Variants in LMO7 observed in about 807,000 individuals in gnomAD.
The protein encoded by LMO7 is LIM domain only protein 7.
Under a neutral mutation model 206.5 loss-of-function variants are expected in LMO7, and 120 were observed. The observed-to-expected ratio is 0.58, with a 90% CI of 0.50 to 0.68. The LOEUF (loss-of-function observed/expected upper bound fraction) is 0.68. LMO7 is among the 30% of genes least tolerant of loss of function. The pLI is 0.00. For missense variants in LMO7, 1,959 were observed against 1,957.9 expected, an observed-to-expected ratio of 1.00 and a Z score of -0.01; for synonymous variants, 706 against 681.5, an observed-to-expected ratio of 1.04 and a Z score of -0.56.
intron 3 of LMO7, among the ~76,000 whole-genome samples, chr13:75,758,612 T>C (rs376990547): frequency 1.8e-4 from 28 of 152,358 alleles, no homozygotes; most frequent in East Asian, 1.7e-3. Context: ...TGTCTTCAAC[T>C]AAGTATAGTC....
chr13:75,785,783 T>C (rs1348778950), intron 4 of LMO7, among the ~76,000 whole-genome samples: 1 of 152,196 alleles, frequency 6.6e-6, no homozygotes, highest in East Asian at 1.9e-4. Flanking sequence ...TGAAAACATA[T>C]AATCAGGCAA....
chr13:75,722,456 C>G (rs1379050393), intron 2 of LMO7, among the ~76,000 whole-genome samples: 1 of 152,054 alleles, frequency 6.6e-6, no homozygotes, highest in Non-Finnish European at 1.5e-5. Flanking sequence ...TACAGCATCG[C>G]TAATAATCAG....
At chr13:75,712,679 A>G (rs9318370) in intron 1 of LMO7, among the ~76,000 whole-genome samples, 11,896 of 152,228 alleles carry the variant, frequency 0.078, 1,037 homozygotes, top group African/African-American at 0.21. Flanking sequence ...TACATCAATT[A>G]GGACGATTTC....
At chr13:75,623,135 G>A (rs1307122883) in intron 1 of LMO7, 4 of 499,278 alleles carry the variant, frequency 8.0e-6, no homozygotes, top group Non-Finnish European at 1.4e-5. Context: ...ATTTATTTTG[G>A]CATCTCTACT....
intron 1 of LMO7, among the ~76,000 whole-genome samples, chr13:75,622,807 T>A (rs1357546685): frequency 6.6e-6 from 1 of 152,238 alleles, no homozygotes; most frequent in Non-Finnish European, 1.5e-5. Context: ...TGAAAGCAGA[T>A]CTTAAAGTTA....
intron 4 of LMO7, among the ~76,000 whole-genome samples, chr13:75,776,155 T>G: frequency 1.2e-5 from 1 of 83,994 alleles, no homozygotes; most frequent in Non-Finnish European, 2.5e-5. Flanking sequence ...GCCATGTATA[T>G]ATATCGGATA....
At position 75,800,835 on chromosome 13, in the gene LMO7, C is replaced by A. The variant is rs1001687717; in HGVS notation, c.614C>A (p.Ser205Ter). The A allele has an allele frequency of 1.2e-6, 2 of 1,613,858 alleles. No individual in the cohort carries two copies. Among genetic ancestry groups the A allele is most frequent in the Admixed American group, 3.3e-5 (2 of 59,986 alleles). The stretch of plus-strand genomic sequence containing the variant: ...AGCTTGGACTCTTTGGGCTCGAGGT[C>A]ATTGACAAGCTGCTCCTCTGATATC... ...FESLDSLGSR[S>*]LTSCSSDITL... Residue 205 changes from serine (S) to a stop codon, truncating the protein, a stop_gained, in exon 7 of 31, where the codon TCA becomes TAA. Coordinates refer to ENST00000377534, the MANE Select transcript of LMO7 (RefSeq NM_001306080.2). LOFTEE classifies it high-confidence loss of function.
At chr13:75,690,448 G>A (rs979383528) in intron 1 of LMO7, among the ~76,000 whole-genome samples, 1 of 152,096 alleles carries the variant, frequency 6.6e-6, no homozygotes, top group Non-Finnish European at 1.5e-5. Flanking sequence ...GGCATGCTGT[G>A]ATAAATATAT....
chr13:75,781,872 G>T (rs1046251352), intron 4 of LMO7, among the ~76,000 whole-genome samples: 10 of 152,124 alleles, frequency 6.6e-5, no homozygotes, highest in Non-Finnish European at 1.3e-4. Flanking sequence ...TTTCTCTGAT[G>T]GCCAGTGATG....
chr13:75,711,418 C>T (rs1379855672), intron 1 of LMO7, among the ~76,000 whole-genome samples: 2 of 152,146 alleles, frequency 1.3e-5, no homozygotes, highest in Non-Finnish European at 2.9e-5. Context: ...GGCTGTGAAT[C>T]CATCTGGTCC....
At position 75,636,396 on chromosome 13, in the gene LMO7, T is replaced by C. The variant is rs2035854426; in HGVS notation, c.-262T>C. On this transcript the variant is annotated 5_prime_UTR_variant, in exon 1 of 31. Coordinates refer to ENST00000377534, the MANE Select transcript of LMO7 (RefSeq NM_001306080.2). ...CCCGCTTCGCTTCCCGCGTCCTGCC[T>C]GACTGCCCGGGTCCCCGCGGGCCTT... is the stretch of plus-strand genomic sequence containing the variant. The C allele has an allele frequency of 9.1e-6, 12 of 1,311,688 alleles. No individual in the cohort carries two copies. In the East Asian group the frequency reaches 4.4e-4, roughly 48 times the overall value. 81.3% of individuals were successfully genotyped at this position (1,311,688 alleles called of 1,614,324 possible).
At chr13:75,705,113 G>T (rs114342538) in intron 1 of LMO7, among the ~76,000 whole-genome samples, 2 of 152,250 alleles carry the variant, frequency 1.3e-5, no homozygotes, top group South Asian at 4.1e-4. Context: ...TCATATGCTC[G>T]GGTAGGCTAA....
At chr13:75,657,487 A>G (rs143679731) in intron 1 of LMO7, among the ~76,000 whole-genome samples, 1 of 152,298 alleles carries the variant, frequency 6.6e-6, no homozygotes, top group Non-Finnish European at 1.5e-5. Flanking sequence ...CACCTGAAGC[A>G]TAGTTATGAA....
At chr13:75,648,855 C>A (rs1010323986) in intron 1 of LMO7, among the ~76,000 whole-genome samples, 19 of 152,162 alleles carry the variant, frequency 1.2e-4, no homozygotes, top group Non-Finnish European at 2.5e-4. Flanking sequence ...TGTGAAGTAC[C>A]TTCTGGGTAC....
intron 15 of LMO7, among the ~76,000 whole-genome samples, chr13:75,826,992 C>A (rs1391027594): frequency 6.6e-6 from 1 of 152,134 alleles, no homozygotes; most frequent in African/African-American, 2.4e-5. Flanking sequence ...AATTATTTCT[C>A]AAAAGCCCAG....
At chr13:75,768,934 A>C (rs1014119924) in intron 4 of LMO7, among the ~76,000 whole-genome samples, 2 of 152,016 alleles carry the variant, frequency 1.3e-5, no homozygotes, top group South Asian at 4.1e-4. Flanking sequence ...TGATTATGTT[A>C]TTTGAAATAT....
intron 1 of LMO7, among the ~76,000 whole-genome samples, chr13:75,661,562 G>T (rs540722194): frequency 3.9e-5 from 6 of 152,144 alleles, no homozygotes; most frequent in Non-Finnish European, 8.8e-5. Context: ...AAGGAAAAGG[G>T]CCAGATTCCA....
At position 75,849,247 on chromosome 13, in the gene LMO7, C is replaced by A. The variant is rs1047604334; in HGVS notation, c.4319C>A (p.Ala1440Asp). Reference protein sequence around the residue: ...NDNSWIRQRSASVNKEPVSLP... With the variant: ...NDNSWIRQRSDSVNKEPVSLP... ...AACAGCTGGATCCGACAGCGCAGTG[C>A]CAGTGTCAACAAAGAGCCTGTTAGT... is the stretch of plus-strand genomic sequence containing the variant. The change falls in exon 27 of 31, where the codon GCC becomes GAC. Residue 1440 changes from alanine (A) to aspartate (D), a missense_variant. Transcript: ENST00000377534. 1.9e-6 allele frequency: 3 copies of A among 1,613,946 alleles called. No homozygotes were observed. In the African/African-American group the frequency reaches 4.0e-5, roughly 22 times the overall value.
chr13:75,699,259 G>C (rs2042111242), intron 1 of LMO7, among the ~76,000 whole-genome samples: 1 of 152,138 alleles, frequency 6.6e-6, no homozygotes, highest in African/African-American at 2.4e-5. Context: ...ACATATTTCT[G>C]TTCCTGTCTT....
Sources: gnomAD v4.1 joint callset for allele counts (sites outside exome capture counted in the v4.1 genomes callset) on GRCh38, gnomAD v4.1.1 for gene constraint, MANE v1.5 for transcripts, NCBI Gene and HGNC (gene_info 2026-07-23, HGNC 2026-07-21) for gene names.